Variants in MDGA2 observed in about 807,000 individuals in gnomAD.
MDGA2 encodes the protein MAM domain-containing glycosylphosphatidylinositol anchor protein 2.
Under a neutral mutation model 117.8 loss-of-function variants are expected in MDGA2, and 40 were observed. The ratio of observed to expected loss-of-function variants is 0.34; its 90% confidence interval spans 0.26 to 0.44. The LOEUF is 0.44. Among genes scored for constraint, MDGA2 ranks in the 20% least tolerant of loss-of-function variants. MDGA2 has a pLI of 1.00. For synonymous variants in MDGA2, 452 were observed against 439.0 expected, an observed-to-expected ratio of 1.03 and a Z score of -0.37; for missense variants, 1,123 against 1,250.6, an observed-to-expected ratio of 0.90 and a Z score of 1.54.
intron 15 of MDGA2, 70 bp downstream of exon 15, chr14:46,854,954 T>A: frequency 7.8e-6 from 10 of 1,288,510 alleles, no homozygotes; most frequent in Non-Finnish European, 1.1e-5. Flanking sequence ...TATTTTAATA[T>A]TTGCTCAAGA....
At chr14:46,906,770 G>A (rs1883509751) in intron 10 of MDGA2, among the ~76,000 whole-genome samples, 1 of 151,896 alleles carries the variant, frequency 6.6e-6, no homozygotes, top group South Asian at 2.1e-4. Context: ...TTAAAATGAT[G>A]TATAACCATA....
chr14:47,221,846 T>C (rs1290655917), intron 2 of MDGA2, among the ~76,000 whole-genome samples: 1 of 151,846 alleles, frequency 6.6e-6, no homozygotes. Flanking sequence ...TATATATATG[T>C]GTGTATATAT....
At chr14:47,635,703 C>A (rs910511916) in intron 1 of MDGA2, among the ~76,000 whole-genome samples, 1 of 152,114 alleles carries the variant, frequency 6.6e-6, no homozygotes, top group African/African-American at 2.4e-5. Context: ...ACAATTAACC[C>A]CCCAAATTCA....
intron 6 of MDGA2, among the ~76,000 whole-genome samples, chr14:47,071,822 C>A (rs1053208447): frequency 6.6e-6 from 1 of 152,046 alleles, no homozygotes; most frequent in Admixed American, 6.6e-5. Context: ...TTTTCTGCAC[C>A]TGCATAAAGG....
chr14:47,626,502 T>A (rs1262323464), intron 1 of MDGA2: 3 of 152,784 alleles, frequency 2.0e-5, no homozygotes, highest in Non-Finnish European at 2.9e-5. Flanking sequence ...GGAGCCCCTT[T>A]CTGGGCTGGC....
chr14:47,012,746 T>A (rs1887939073), intron 8 of MDGA2, among the ~76,000 whole-genome samples: 1 of 152,020 alleles, frequency 6.6e-6, no homozygotes, highest in South Asian at 2.1e-4. Flanking sequence ...CTTGACAGAG[T>A]TGGCATGTAC....
chr14:47,038,892 G>T (rs59070909), intron 7 of MDGA2, among the ~76,000 whole-genome samples: 27 of 150,912 alleles, frequency 1.8e-4, no homozygotes, highest in African/African-American at 5.9e-4. Context: ...GGAGGCTGCA[G>T]TGAGCCAAGA....
At chr14:47,564,003 C>T (rs1895870012) in intron 1 of MDGA2, among the ~76,000 whole-genome samples, 1 of 152,108 alleles carries the variant, frequency 6.6e-6, no homozygotes, top group Admixed American at 6.6e-5. Flanking sequence ...TTATTTCTCT[C>T]CACTTATGAA....
intron 1 of MDGA2, among the ~76,000 whole-genome samples, chr14:47,522,911 T>G (rs1894899074): frequency 6.6e-6 from 1 of 152,186 alleles, no homozygotes; most frequent in African/African-American, 2.4e-5. Context: ...GGAAATAATG[T>G]GTCACGAATT....
At chr14:47,604,503 A>AC (rs1031568528) in intron 1 of MDGA2, among the ~76,000 whole-genome samples, 6 of 41,418 alleles carry the variant, frequency 1.4e-4, no homozygotes, top group Non-Finnish European at 3.1e-4. Context: ...CCCCACCCTC[A>AC]CCCCCCTATA....
rs1898128636 is a variant in MDGA2, at chr14:47,674,123, T to C, written c.280+394A>G. On this transcript the variant is annotated intron_variant, in intron 1 of 16. Transcript: ENST00000399232. Reference sequence around the variant, plus strand: ...CGGGGGCGGAGAGGGGTGGGGAGACTCACGGGGTCACACTGGAAGCTTCCC... The same window carrying C: ...CGGGGGCGGAGAGGGGTGGGGAGACCCACGGGGTCACACTGGAAGCTTCCC... Among the ~76,000 whole-genome samples, 3 of 128,310 alleles carry C rather than the reference T, an allele frequency of 2.3e-5. No individual in the cohort carries two copies. The Admixed American group carries it at 2.4e-4, about 10-fold the overall frequency. The allele number at this position is 128,310 out of a possible 152,430, so 84.2% of individuals were successfully genotyped here. A position where few individuals can be genotyped will look rare whatever the true frequency, so the allele number is the denominator to read the frequency against.
intron 2 of MDGA2, among the ~76,000 whole-genome samples, chr14:47,228,552 T>C (rs913677706): frequency 3.9e-5 from 6 of 152,210 alleles, no homozygotes; most frequent in African/African-American, 1.2e-4. Context: ...TGAGCATCTT[T>C]AGCTAGCACA....
At chr14:47,618,771 A>T (rs1896992985) in intron 1 of MDGA2, among the ~76,000 whole-genome samples, 1 of 152,220 alleles carries the variant, frequency 6.6e-6, no homozygotes, top group Non-Finnish European at 1.5e-5. Flanking sequence ...AAAAAAACTA[A>T]GCCATGATGA....
At chr14:47,278,372 TC>T (rs1212161288) in intron 2 of MDGA2, among the ~76,000 whole-genome samples, 1 of 146,844 alleles carries the variant, frequency 6.8e-6, no homozygotes, top group Non-Finnish European at 1.5e-5. Context: ...AGTGATCAGA[TC>T]AGGGTCATGA....
At chr14:47,536,658 CA>C (rs1382149491) in intron 1 of MDGA2, among the ~76,000 whole-genome samples, 1 of 152,188 alleles carries the variant, frequency 6.6e-6, no homozygotes, top group Non-Finnish European at 1.5e-5. Context: ...TCCAGCAAGA[CA>C]ATCCAGAACT....
intron 3 of MDGA2, among the ~76,000 whole-genome samples, chr14:47,180,846 G>C (rs147425377): frequency 7.9e-5 from 12 of 152,160 alleles, no homozygotes; most frequent in Non-Finnish European, 1.6e-4. Context: ...GCTTGAACCC[G>C]GGAGAAAAAG....
At chr14:47,660,422 T>C (rs1897823952) in intron 1 of MDGA2, among the ~76,000 whole-genome samples, 1 of 152,190 alleles carries the variant, frequency 6.6e-6, no homozygotes, top group Non-Finnish European at 1.5e-5. Context: ...GAAAAATGAC[T>C]TTTATAGTGG....
intron 9 of MDGA2, among the ~76,000 whole-genome samples, chr14:46,936,812 T>A (rs1164302465): frequency 6.6e-6 from 1 of 151,884 alleles, no homozygotes; most frequent in East Asian, 1.9e-4. Flanking sequence ...AATGTCTATA[T>A]AGGACAAACC....
chr14:47,595,547 CAAAAAAAAACAAAAA>C (rs1168288257), intron 1 of MDGA2, among the ~76,000 whole-genome samples: 1 of 69,056 alleles, frequency 1.4e-5, no homozygotes, highest in Admixed American at 1.5e-4. Flanking sequence ...AACCAAAAAA[CAAAAAAAAACAAAAA>C]AAAAAAAAAC....
Sources: gnomAD v4.1 joint callset for allele counts (sites outside exome capture counted in the v4.1 genomes callset) on GRCh38, gnomAD v4.1.1 for gene constraint, MANE v1.5 for transcripts, NCBI Gene and HGNC (gene_info 2026-07-23, HGNC 2026-07-21) for gene names.